Variants in IER3IP1 observed in about 807,000 individuals in gnomAD.
IER3IP1 encodes the protein immediate early response 3-interacting protein 1.
IER3IP1 carries 16 observed loss-of-function variants against 12.2 expected under a neutral mutation model. The ratio of observed to expected loss-of-function variants is 1.31; its 90% CI spans 0.89 to 1.99. The LOEUF is 1.99. IER3IP1 is among the 30% of genes most tolerant of loss of function. The pLI, the probability that IER3IP1 is intolerant of heterozygous loss-of-function variation, is 0.00. For missense variants in IER3IP1, 95 were observed against 95.8 expected, an observed-to-expected ratio of 0.99 and a Z score of 0.03; for synonymous variants, 42 against 40.0, an observed-to-expected ratio of 1.05 and a Z score of -0.19.
At chr18:47,173,770 G>A (rs2064022639) in intron 1 of IER3IP1, among the ~76,000 whole-genome samples, 2 of 152,286 alleles carry the variant, frequency 1.3e-5, no homozygotes, top group East Asian at 3.9e-4. Context: ...GCGTAAGCAG[G>A]GTTGGTTCCT....
In IER3IP1 at chr18:47,155,331, T is replaced by C. The variant is rs1232661614; in HGVS notation, c.*846A>G. 6.6e-6 allele frequency: 1 copy of C among 152,198 alleles called. No homozygotes were observed. Among genetic ancestry groups the C allele is most frequent in the African/African-American group, 2.4e-5 (1 of 41,454 alleles). The allele number at this position is 152,198 out of a possible 1,614,324, so 9.4% of individuals were successfully genotyped here. ...CCACCAAGAAATAGAAATGTAATGA[T>C]TTTTTGAAAGGTAAATGCTTCACAA... On this transcript the variant is annotated 3_prime_UTR_variant, in exon 3 of 3. Transcript: ENST00000256433.
At chr18:47,170,515 C>G (rs1411684467) in intron 1 of IER3IP1, among the ~76,000 whole-genome samples, 1 of 152,042 alleles carries the variant, frequency 6.6e-6, no homozygotes, top group Non-Finnish European at 1.5e-5. Flanking sequence ...ATTAAGTATT[C>G]TGATCTGTGA....
intron 1 of IER3IP1, among the ~76,000 whole-genome samples, chr18:47,173,869 T>C (rs1034080782): frequency 3.3e-5 from 5 of 152,194 alleles, no homozygotes; most frequent in African/African-American, 1.2e-4. Context: ...TTGTCTTATA[T>C]ATGCATCACT....
intron 1 of IER3IP1, among the ~76,000 whole-genome samples, chr18:47,161,138 T>C (rs530595778): frequency 6.6e-6 from 1 of 152,248 alleles, no homozygotes; most frequent in Non-Finnish European, 1.5e-5. Context: ...ACAGTTTTTT[T>C]AAATAGATAT....
chr18:47,159,668 C>T (rs1205601250), intron 1 of IER3IP1, among the ~76,000 whole-genome samples: 1 of 152,108 alleles, frequency 6.6e-6, no homozygotes, highest in South Asian at 2.1e-4. Flanking sequence ...TGTGTTATTA[C>T]AGGGAGAGAT....
At position 47,166,103 on chromosome 18, in the gene IER3IP1, A is replaced by AT. The variant is rs58215449; in HGVS notation, c.92-8567dup. Among the ~76,000 whole-genome samples the AT allele has an allele frequency of 6.1e-4, 91 of 150,182 alleles. 1 individual carries two copies. The highest frequency in any genetic ancestry group is 4.9e-3 in the East Asian group (25 of 5,146). ...ATCAAAATCCACTTCATTATGTGGC[A>AT]TTTTTTTTTTCTTGCACTAAAAGGA... On this transcript the variant is annotated intron_variant, in intron 1 of 2. Transcript: ENST00000256433.
intron 1 of IER3IP1, among the ~76,000 whole-genome samples, chr18:47,173,019 A>G (rs1319748774): frequency 6.6e-6 from 1 of 152,172 alleles, no homozygotes; most frequent in Admixed American, 6.5e-5. Context: ...ATCTTCTCAC[A>G]TGACTTCATT....
intron 1 of IER3IP1, among the ~76,000 whole-genome samples, chr18:47,174,051 C>A (rs2064023450): frequency 6.6e-6 from 1 of 152,198 alleles, no homozygotes; most frequent in Admixed American, 6.5e-5. Flanking sequence ...CAAACAAGGT[C>A]ACCTTCATAG....
chr18:47,163,739 TA>T (rs1364925239), intron 1 of IER3IP1, among the ~76,000 whole-genome samples: 1 of 152,172 alleles, frequency 6.6e-6, no homozygotes, highest in Non-Finnish European at 1.5e-5. Context: ...TTGAAAATCA[TA>T]CACATATTAC....
intron 2 of IER3IP1, chr18:47,157,156 G>A: frequency 2.5e-6 from 1 of 400,208 alleles, no homozygotes; most frequent in East Asian, 4.9e-5. Context: ...TTTCCAAAAG[G>A]CAAGAATATA....
Position 47,152,954 on chromosome 18 carries a change from G to T in IER3IP1, c.*3223C>A, listed in dbSNP as rs544609184. 1 of 152,292 alleles carries T rather than the reference G, an allele frequency of 6.6e-6. No individual in the cohort carries two copies. The highest frequency in any genetic ancestry group is 1.5e-5 in the Non-Finnish European group (1 of 68,022). 9.4% of individuals were successfully genotyped at this position (152,292 alleles called of 1,614,324 possible). On this transcript the variant is annotated 3_prime_UTR_variant, in exon 3 of 3. Coordinates refer to ENST00000256433, the MANE Select transcript of IER3IP1 (RefSeq NM_016097.5). Reference sequence around the variant, plus strand: ...TATATCTGGACCAGACTTCTGTTCTGAAGGTTATTGACCAATTTTACAGAT... The same window carrying T: ...TATATCTGGACCAGACTTCTGTTCTTAAGGTTATTGACCAATTTTACAGAT...
rs568345061 is a variant in IER3IP1 at position 47,164,791 on chromosome 18, CAA to C, written c.92-7256_92-7255del. 4.2e-3 allele frequency among the ~76,000 whole-genome samples: 627 copies of C among 147,570 alleles called. 3 individuals carry two copies. Among genetic ancestry groups the C allele is most frequent in the African/African-American group, 5.6e-3 (220 of 39,356 alleles). ...AGACCCTCTTTCCAAAAAAAAAAAA[CAA>C]GAGAGAGAGAGAGAGATTTAATTCT... On this transcript the variant is annotated intron_variant, in intron 1 of 2. Transcript: ENST00000256433.
At position 47,152,846 on chromosome 18, in the gene IER3IP1, G is replaced by A. The variant is rs186928064; in HGVS notation, c.*3331C>T. ...AATGAGAAAGTGATTTGCTTCATAA[G>A]AAACATTTTACTTAAGGAGAACATC... On this transcript the variant is annotated 3_prime_UTR_variant, in exon 3 of 3. Transcript: ENST00000256433. 1 of 152,258 alleles carries A rather than the reference G, an allele frequency of 6.6e-6. No individual in the cohort carries two copies. Among genetic ancestry groups the A allele is most frequent in the African/African-American group, 2.4e-5 (1 of 41,534 alleles). 9.4% of individuals were successfully genotyped at this position (152,258 alleles called of 1,614,324 possible).
At chr18:47,165,552 CAAAAA>C (rs34723400) in intron 1 of IER3IP1, among the ~76,000 whole-genome samples, 1 of 122,224 alleles carries the variant, frequency 8.2e-6, no homozygotes, top group East Asian at 2.7e-4. Context: ...GACTCTGTCT[CAAAAA>C]AAAAAAAAAA....
chr18:47,176,336 T>C lies in IER3IP1; in HGVS notation c.-59A>G, dbSNP rs1318107277. On this transcript the variant is annotated 5_prime_UTR_variant, in exon 1 of 3. Coordinates refer to ENST00000256433, the MANE Select transcript of IER3IP1 (RefSeq NM_016097.5). ...TTCTCTCCCGCCGCCGCAAGGGACGTGGCGCCTCCACGGCCGGCGCCTTCC... is the reference window on the plus strand; with the variant it reads ...TTCTCTCCCGCCGCCGCAAGGGACGCGGCGCCTCCACGGCCGGCGCCTTCC... 11 of 1,469,650 alleles carry C rather than the reference T, an allele frequency of 7.5e-6. No homozygotes were observed. The highest frequency in any genetic ancestry group is 1.2e-5 in the South Asian group (1 of 83,294). The allele number at this position is 1,469,650 out of a possible 1,614,324, so 91.0% of individuals were successfully genotyped here. A position where few individuals can be genotyped will look rare whatever the true frequency, so the allele number is the denominator to read the frequency against.
At chr18:47,169,664 C>G (rs946682596) in intron 1 of IER3IP1, among the ~76,000 whole-genome samples, 1 of 151,420 alleles carries the variant, frequency 6.6e-6, no homozygotes, top group Admixed American at 6.6e-5. Context: ...GAAGTGGTAT[C>G]TCATTATGGT....
rs1351463291 is a variant in IER3IP1, at chr18:47,176,179, C to G, written c.91+8G>C. On this transcript the variant is annotated splice_region_variant and intron_variant, in intron 1 of 2. Coordinates refer to ENST00000256433, the MANE Select transcript of IER3IP1 (RefSeq NM_016097.5). The stretch of plus-strand genomic sequence containing the variant: ...CCGCCCCAGCCCGCGCCCCGCGGTC[C>G]CACTCACTGTTCTTGAGGAATCGCT... The G allele has an allele frequency of 4.4e-6, 7 of 1,587,040 alleles. No individual in the cohort carries two copies. The Admixed American group carries it at 1.2e-4, about 28-fold the overall frequency.
intron 1 of IER3IP1, among the ~76,000 whole-genome samples, chr18:47,169,723 GTGCTTATTGATCATT>G (rs1295457064): frequency 6.6e-6 from 1 of 151,944 alleles, no homozygotes; most frequent in Non-Finnish European, 1.5e-5. Flanking sequence ...ATCTATTCAT[GTGCTTATTGATCATT>G]TGCTTATGTT....
At chr18:47,170,140 T>C (rs533140916) in intron 1 of IER3IP1, among the ~76,000 whole-genome samples, 1 of 152,136 alleles carries the variant, frequency 6.6e-6, no homozygotes, top group African/African-American at 2.4e-5. Flanking sequence ...TACTTTTTTT[T>C]ATATGGCTAT....
Sources: gnomAD v4.1 joint callset for allele counts (sites outside exome capture counted in the v4.1 genomes callset) on GRCh38, gnomAD v4.1.1 for gene constraint, MANE v1.5 for transcripts, NCBI Gene and HGNC (gene_info 2026-07-23, HGNC 2026-07-21) for gene names.